CDKN1C: variants seen among roughly 807,000 people sequenced by gnomAD.
The protein encoded by CDKN1C is cyclin-dependent kinase inhibitor 1C.
Under a neutral mutation model 16.5 loss-of-function variants are expected in CDKN1C, and 7 were observed. The ratio of observed to expected loss-of-function variants is 0.42; its 90% CI spans 0.24 to 0.80. CDKN1C has a LOEUF of 0.80. CDKN1C is among the 30% of genes least tolerant of loss of function. CDKN1C has a pLI of 0.26. For synonymous variants in CDKN1C, 288 were observed against 214.4 expected, an observed-to-expected ratio of 1.34 and a Z score of -3.00; for missense variants, 429 against 437.3, an observed-to-expected ratio of 0.98 and a Z score of 0.17.
In CDKN1C at chr11:2,883,626, C is replaced by A; in HGVS notation, c.*295G>T. The A allele has an allele frequency of 1.8e-6, 1 of 557,410 alleles. No homozygotes were observed. Among genetic ancestry groups the A allele is most frequent in the Non-Finnish European group, 2.7e-6 (1 of 373,428 alleles). The allele number at this position is 557,410 out of a possible 1,614,324, so 34.5% of individuals were successfully genotyped here. ...TTTTTTATTTTTTCCTTTTTTTTTT[C>A]TTTTTTCTTTTTTTTGCACTGAGTT... On this transcript the variant is annotated 3_prime_UTR_variant, in exon 4 of 4. Transcript: ENST00000440480.
chr11:2,884,019 G>A lies in CDKN1C; in HGVS notation c.903C>T (p.Arg301=), dbSNP rs1848873750. ...PGVGSVEQTP[R]KRLR is the part of the protein sequence containing the mutation. ...CTCACTTGGCTCACCGCAGCCTCTTGCGCGGGGTCTGCTCCACCGAGCCCA... is the reference window on the plus strand; with the variant it reads ...CTCACTTGGCTCACCGCAGCCTCTTACGCGGGGTCTGCTCCACCGAGCCCA... The change falls in exon 3 of 4, where the codon CGC becomes CGT. Residue 301 remains arginine (R), a synonymous_variant. Coordinates refer to ENST00000440480, the MANE Select transcript of CDKN1C (RefSeq NM_001122630.2). 1 of 1,558,442 alleles carries A rather than the reference G, an allele frequency of 6.4e-7. No individual in the cohort carries two copies.
At chr11:2,884,217 G>GGGCC (rs1273866348) in intron 2 of CDKN1C, 83 bp from the exon 3 acceptor site, 12 of 1,105,094 alleles carry the variant, frequency 1.1e-5, no homozygotes, top group Non-Finnish European at 1.3e-5. Context: ...CGCGGGGCGC[G>GGGCC]GGCCGGCCGG....
chr11:2,884,165 G>A, intron 2 of CDKN1C, 31 bp from the exon 3 acceptor site: 6 of 1,378,512 alleles, frequency 4.4e-6, no homozygotes, highest in Non-Finnish European at 4.7e-6. Flanking sequence ...GGCCGGTCAG[G>A]GCGGGGCCGG....
At chr11:2,885,512 G>A in intron 1 of CDKN1C, 46 bp from the exon 2 acceptor site, 2 of 1,539,440 alleles carry the variant, frequency 1.3e-6, no homozygotes, top group Non-Finnish European at 1.7e-6. Context: ...CGCAAACGCG[G>A]GCAGCGAGAG....
At position 2,885,243 on chromosome 11, in the gene CDKN1C, C is replaced by A; in HGVS notation, c.214G>T (p.Asp72Tyr). 6.4e-7 allele frequency: 1 copy of A among 1,558,582 alleles called. No homozygotes were observed. Among genetic ancestry groups the A allele is most frequent in the Non-Finnish European group, 8.7e-7 (1 of 1,153,652 alleles). The change falls in exon 2 of 4, where the codon GAC becomes TAC. Residue 72 changes from aspartate (D) to tyrosine (Y), a missense_variant. By Grantham distance (160) the Asp-to-Tyr change is radical. Transcript: ENST00000440480. ...GPGRLQWTEV[D>Y]SDSVPAFYRE... Reference sequence around the variant, plus strand: ...TAGAACGCGGGCACCGAGTCGCTGTCCACTTCGGTCCACTGCAGGCGTCCA... The same window carrying A: ...TAGAACGCGGGCACCGAGTCGCTGTACACTTCGGTCCACTGCAGGCGTCCA...
Position 2,884,752 on chromosome 11 carries a change from A to C in CDKN1C, c.705T>G (p.Ile235Met), listed in dbSNP as rs1848921608. 1 of 1,504,216 alleles carries C rather than the reference A, an allele frequency of 6.6e-7. No individual in the cohort carries two copies. Among genetic ancestry groups the C allele is most frequent in the Non-Finnish European group, 8.9e-7 (1 of 1,129,318 alleles). The allele number at this position is 1,504,216 out of a possible 1,614,324, so 93.2% of individuals were successfully genotyped here. ...CGGTGCCGGCCGCGGGACGTCCCGAAATCCCCGAGTGCAGCTGGTCAGCGA... is the reference window on the plus strand; with the variant it reads ...CGGTGCCGGCCGCGGGACGTCCCGACATCCCCGAGTGCAGCTGGTCAGCGA... Reference protein sequence around the residue: ...EPLADQLHSGISGRPAAGTAA... With the variant: ...EPLADQLHSGMSGRPAAGTAA... The change falls in exon 2 of 4, where the codon ATT (isoleucine) becomes ATG (methionine). Residue 235 changes from isoleucine to methionine, a missense_variant. Coordinates refer to ENST00000440480, the MANE Select transcript of CDKN1C (RefSeq NM_001122630.2).
intron 2 of CDKN1C, 83 bp from the exon 3 acceptor site, chr11:2,884,217 G>T (rs1241069540): frequency 1.7e-5 from 19 of 1,105,094 alleles, no homozygotes; most frequent in Non-Finnish European, 2.1e-5. Context: ...CGCGGGGCGC[G>T]GGCCGGCCGG....
At position 2,885,683 on chromosome 11, in the gene CDKN1C, C is replaced by T; in HGVS notation, c.-60G>A. The T allele has an allele frequency of 3.0e-6, 2 of 666,976 alleles. No homozygotes were observed. The highest frequency in any genetic ancestry group is 1.9e-5 in the South Asian group (1 of 52,530). The allele number at this position is 666,976 out of a possible 1,614,324, so 41.3% of individuals were successfully genotyped here. ...CTGCGTCGGGTTCGCCTGTCTCGTC[C>T]GGACGGCAGCCGCGCCCCCTCGATG... is the stretch of plus-strand genomic sequence containing the variant. On this transcript the variant is annotated 5_prime_UTR_variant, in exon 1 of 4. Coordinates refer to ENST00000440480, the MANE Select transcript of CDKN1C (RefSeq NM_001122630.2).
Position 2,884,926 on chromosome 11 carries a change from C to A in CDKN1C, c.531G>T (p.Pro177=). The change falls in exon 2 of 4, where the codon CCG becomes CCT. Residue 177 remains proline, a synonymous_variant. Coordinates refer to ENST00000440480, the MANE Select transcript of CDKN1C (RefSeq NM_001122630.2). The part of the protein sequence containing the change: ...LAPAPAPAPA[P]APAPAPVAAP... ...CCGCGACTGGAGCCGGGGCCGGAGC[C>A]GGAGCCGGAGCCGGGGCCGGGGCCG... The A allele has an allele frequency of 1.1e-6, 1 of 908,426 alleles. No homozygotes were observed. The highest frequency in any genetic ancestry group is 1.4e-6 in the Non-Finnish European group (1 of 739,756). The allele number at this position is 908,426 out of a possible 1,614,324, so 56.3% of individuals were successfully genotyped here.
Position 2,884,721 on chromosome 11 carries a change from C to A in CDKN1C, c.736G>T (p.Ala246Ser), listed in dbSNP as rs754283907. 2.2e-4 allele frequency: 324 copies of A among 1,503,614 alleles called. No homozygotes were observed. Among genetic ancestry groups the A allele is most frequent in the Non-Finnish European group, 2.8e-4 (311 of 1,130,610 alleles). The allele number at this position is 1,503,614 out of a possible 1,614,324, so 93.1% of individuals were successfully genotyped here. Residue 246 changes from alanine to serine, a missense_variant, in exon 2 of 4, where the codon GCC (alanine) becomes TCC (serine). Transcript: ENST00000440480. ...TTGATCGCCGCGCCGTTGGCGCTGGCGGCCGCGGTGCCGGCCGCGGGACGT... is the reference window on the plus strand; with the variant it reads ...TTGATCGCCGCGCCGTTGGCGCTGGAGGCCGCGGTGCCGGCCGCGGGACGT... ...SGRPAAGTAA[A>S]SANGAAIKKL...
In CDKN1C at chr11:2,884,796, G is replaced by C; in HGVS notation, c.661C>G (p.Gln221Glu). ...TCAGCGAGAGGCTCCTGGCCGCGCTGCCCCTGGTTCGCGCCCTGCTCGGCG... is the reference window on the plus strand; with the variant it reads ...TCAGCGAGAGGCTCCTGGCCGCGCTCCCCCTGGTTCGCGCCCTGCTCGGCG... ...ESAEQGANQG[Q>E]RGQEPLADQL... is the part of the protein sequence containing the mutation. Residue 221 changes from glutamine (Q) to glutamate (E), a missense_variant, in exon 2 of 4, where the codon CAG becomes GAG. Coordinates refer to ENST00000440480, the MANE Select transcript of CDKN1C (RefSeq NM_001122630.2). 6.8e-7 allele frequency: 1 copy of C among 1,474,200 alleles called. No homozygotes were observed. Among genetic ancestry groups the C allele is most frequent in the South Asian group, 1.2e-5 (1 of 80,736 alleles). The allele number at this position is 1,474,200 out of a possible 1,614,324, so 91.3% of individuals were successfully genotyped here. A position where few individuals can be genotyped will look rare whatever the true frequency, so the allele number is the denominator to read the frequency against.
chr11:2,884,201 AG>A (rs1848888301), intron 2 of CDKN1C, 67 bp from the exon 3 acceptor site: 1 of 1,204,556 alleles, frequency 8.3e-7, no homozygotes, highest in South Asian at 4.0e-5. Context: ...GGGGGCCGGG[AG>A]AGGGCGCGGG....
At position 2,885,368 on chromosome 11, in the gene CDKN1C, T is replaced by A. The variant is rs1461879669; in HGVS notation, c.89A>T (p.Glu30Val). ...GCGGGCCTGCAGCTCGCGGCTCAGC[T>A]CCTCGTGGTCCACCGGCCCGAAGAG... ...RSLFGPVDHE[E>V]LSRELQARLA... is the part of the protein sequence containing the mutation. The change falls in exon 2 of 4, where the codon GAG (glutamate) becomes GTG (valine). Residue 30 changes from glutamate (E) to valine (V), a missense_variant. Coordinates refer to ENST00000440480, the MANE Select transcript of CDKN1C (RefSeq NM_001122630.2). 3 of 1,582,828 alleles carry A rather than the reference T, an allele frequency of 1.9e-6. No homozygotes were observed. The highest frequency in any genetic ancestry group is 2.6e-6 in the Non-Finnish European group (3 of 1,167,468).
intron 1 of CDKN1C, 24 bp downstream of exon 1, chr11:2,885,610 G>C (rs562886157): frequency 1.6e-6 from 2 of 1,252,168 alleles, no homozygotes; most frequent in African/African-American, 3.0e-5. Flanking sequence ...CCGACTCTGC[G>C]TGTGCGAGGG....
intron 2 of CDKN1C, 24 bp from the exon 3 acceptor site, chr11:2,884,158 C>T (rs1402702135): frequency 3.9e-5 from 57 of 1,459,058 alleles, no homozygotes; most frequent in Non-Finnish European, 5.1e-5. Context: ...CGCGCGCGGC[C>T]GGTCAGGGCG....
chr11:2,883,853 G>T lies in CDKN1C; in HGVS notation c.*68C>A. ...TGCTACATGAACGGTCCCAGCCGAGGCCCAGCGCCCTTCCAACGTCCGCTG... is the reference window on the plus strand; with the variant it reads ...TGCTACATGAACGGTCCCAGCCGAGTCCCAGCGCCCTTCCAACGTCCGCTG... On this transcript the variant is annotated 3_prime_UTR_variant, in exon 4 of 4. Transcript: ENST00000440480. 6.5e-7 allele frequency: 1 copy of T among 1,548,578 alleles called. No individual in the cohort carries two copies. The highest frequency in any genetic ancestry group is 8.7e-7 in the Non-Finnish European group (1 of 1,147,250).
At chr11:2,885,591 C>T in intron 1 of CDKN1C, 43 bp downstream of exon 1, 1 of 1,396,522 alleles carries the variant, frequency 7.2e-7, no homozygotes, top group Non-Finnish European at 9.7e-7. Context: ...AAGGGAGACC[C>T]CGCGCCGCCC....
At position 2,884,990 on chromosome 11, in the gene CDKN1C, GCCGCGA is replaced by G. The variant is rs878853627; in HGVS notation, c.461_466del (p.Val154_Ala155del). ...GACCGCGACCGGAGCCGCGACCGGA[GCCGCGA>G]CCGGAGCCGGAGCCGGGGCCGGGGC... On this transcript the variant is annotated inframe_deletion, in exon 2 of 4. Transcript: ENST00000440480. The G allele has an allele frequency of 1.1e-4, 120 of 1,104,384 alleles. No individual in the cohort carries two copies. Among genetic ancestry groups the G allele is most frequent in the Admixed American group, 1.8e-4 (4 of 22,116 alleles). 68.4% of individuals were successfully genotyped at this position (1,104,384 alleles called of 1,614,324 possible). A position where few individuals can be genotyped will look rare whatever the true frequency, so the allele number is the denominator to read the frequency against.
chr11:2,883,691 G>T lies in CDKN1C; in HGVS notation c.*230C>A. Reference sequence around the variant, plus strand: ...ACATTTTATATAAATGACTCTTAAAGCTTTACACCTTGGGACCAGTGTACC... The same window carrying T: ...ACATTTTATATAAATGACTCTTAAATCTTTACACCTTGGGACCAGTGTACC... On this transcript the variant is annotated 3_prime_UTR_variant, in exon 4 of 4. Coordinates refer to ENST00000440480, the MANE Select transcript of CDKN1C (RefSeq NM_001122630.2). 1.9e-6 allele frequency: 2 copies of T among 1,031,664 alleles called. No individual in the cohort carries two copies. Among genetic ancestry groups the T allele is most frequent in the Non-Finnish European group, 2.6e-6 (2 of 772,544 alleles). 63.9% of individuals were successfully genotyped at this position (1,031,664 alleles called of 1,614,324 possible).
Sources: gnomAD v4.1 joint callset for allele counts on GRCh38, gnomAD v4.1.1 for gene constraint, MANE v1.5 for transcripts, NCBI Gene and HGNC (gene_info 2026-07-23, HGNC 2026-07-21) for gene names.